Variants in RPS6KA5 observed in about 807,000 individuals in gnomAD.
RPS6KA5 encodes the protein ribosomal protein S6 kinase A5, also known as ribosomal protein S6 kinase alpha-5.
In RPS6KA5, 27 loss-of-function variants were observed where a neutral mutation model predicts 85.5. That is an observed-to-expected ratio of 0.32 (90% CI 0.23 to 0.44). The LOEUF is 0.44. RPS6KA5 is among the 20% of genes least tolerant of loss of function. RPS6KA5 has a pLI of 1.00. For missense variants in RPS6KA5, 811 were observed against 980.9 expected (o/e 0.83, Z 2.31); for synonymous variants, 334 against 348.2 (o/e 0.96, Z 0.46).
chr14:91,035,405 T>C (rs1249695875), intron 1 of RPS6KA5, among the ~76,000 whole-genome samples: 3 of 151,988 alleles, frequency 2.0e-5, no homozygotes. Context: ...GGCATGGACT[T>C]AGACAAAGCA....
chr14:90,900,856 CT>C (rs1199881296), intron 9 of RPS6KA5, 120 bp from the exon 10 acceptor site: 13 of 769,068 alleles, frequency 1.7e-5, no homozygotes, highest in Admixed American at 1.6e-4. Context: ...TGAGATGAGT[CT>C]AATTTTATTT....
rs553069887 is a variant in RPS6KA5 at position 90,858,605 on chromosome 14, G to T, written c.*13469C>A. On this transcript the variant is annotated 3_prime_UTR_variant, in exon 17 of 17. Coordinates refer to ENST00000614987, the MANE Select transcript of RPS6KA5 (RefSeq NM_004755.4). ...CTGCAGCAGCAAGTGCTGCTGGCAA[G>T]TATTCTTGGGGCAAACAGGAAAAGG... 1.3e-5 allele frequency: 2 copies of T among 152,282 alleles called. No individual in the cohort carries two copies. The highest frequency in any genetic ancestry group is 2.4e-5 in the African/African-American group (1 of 41,546). 9.4% of individuals were successfully genotyped at this position (152,282 alleles called of 1,614,324 possible). A position where few individuals can be genotyped will look rare whatever the true frequency, so the allele number is the denominator to read the frequency against.
chr14:90,980,255 T>TA (rs1242902320), intron 2 of RPS6KA5, among the ~76,000 whole-genome samples: 1 of 152,180 alleles, frequency 6.6e-6, no homozygotes, highest in Non-Finnish European at 1.5e-5. Context: ...CAGGAGAAGG[T>TA]AAAGTCTTCC....
chr14:91,007,632 A>G (rs2041078711), intron 1 of RPS6KA5, among the ~76,000 whole-genome samples: 1 of 152,078 alleles, frequency 6.6e-6, no homozygotes, highest in Admixed American at 6.5e-5. Flanking sequence ...ATCCCCTCAC[A>G]GGTACCTTTT....
At chr14:91,020,550 GT>G (rs2041709149) in intron 1 of RPS6KA5, among the ~76,000 whole-genome samples, 2 of 47,788 alleles carry the variant, frequency 4.2e-5, no homozygotes, top group Non-Finnish European at 1.0e-4. Flanking sequence ...GTGTGTGTGT[GT>G]GTGTGTGTGT....
chr14:90,854,791 G>A lies in RPS6KA5; in HGVS notation c.*17283C>T, dbSNP rs1290763813. ...TTACACAAGTTCATGCATTTTAGGTGTGCTTTATTCAAAATATATTATTAA... is the reference window on the plus strand; with the variant it reads ...TTACACAAGTTCATGCATTTTAGGTATGCTTTATTCAAAATATATTATTAA... On this transcript the variant is annotated 3_prime_UTR_variant, in exon 17 of 17. Coordinates refer to ENST00000614987, the MANE Select transcript of RPS6KA5 (RefSeq NM_004755.4). 1.3e-5 allele frequency: 2 copies of A among 152,128 alleles called. No homozygotes were observed. Among genetic ancestry groups the A allele is most frequent in the African/African-American group, 4.8e-5 (2 of 41,434 alleles). 9.4% of individuals were successfully genotyped at this position (152,128 alleles called of 1,614,324 possible). A position where few individuals can be genotyped will look rare whatever the true frequency, so the allele number is the denominator to read the frequency against.
Position 90,998,951 on chromosome 14 carries a change from C to T in RPS6KA5, c.175+2137G>A, listed in dbSNP as rs1314150787. ...AAGCGAACTTAGACATGAGGCAGGC[C>T]GGGCGTGATGGCTCACGTCTGTAAT... On this transcript the variant is annotated intron_variant, in intron 2 of 16. Coordinates refer to ENST00000614987, the MANE Select transcript of RPS6KA5 (RefSeq NM_004755.4). 2.0e-5 allele frequency among the ~76,000 whole-genome samples: 3 copies of T among 152,140 alleles called. No homozygotes were observed. In the South Asian group the frequency reaches 6.2e-4, roughly 31 times the overall value.
At chr14:91,051,978 T>C (rs539189588) in intron 1 of RPS6KA5, among the ~76,000 whole-genome samples, 1 of 152,094 alleles carries the variant, frequency 6.6e-6, no homozygotes, top group Non-Finnish European at 1.5e-5. Context: ...AGAATTTCCA[T>C]GGAAATGCCA....
chr14:91,050,587 G>C (rs1368557728), intron 1 of RPS6KA5, among the ~76,000 whole-genome samples: 1 of 151,810 alleles, frequency 6.6e-6, no homozygotes, highest in African/African-American at 2.4e-5. Context: ...TGCCACCATG[G>C]CTGGCTAATT....
intron 3 of RPS6KA5, 121 bp from the exon 4 acceptor site, chr14:90,947,671 T>TGTATA: frequency 3.2e-6 from 2 of 615,850 alleles, no homozygotes; most frequent in Non-Finnish European, 5.7e-6. Flanking sequence ...TATATACAAT[T>TGTATA]TAGCATACAG....
Position 91,060,612 on chromosome 14 carries a change from TC to T in RPS6KA5, c.-179del, listed in dbSNP as rs1019127322. The stretch of plus-strand genomic sequence containing the variant: ...GCCGCACGGCTCGCTCCTCGCCTCC[TC>T]CCCCTTCGGCGGGCACCGCTAGTAC... On this transcript the variant is annotated 5_prime_UTR_variant, in exon 1 of 17. Transcript: ENST00000614987. 37 of 861,588 alleles carry T rather than the reference TC, an allele frequency of 4.3e-5. No individual in the cohort carries two copies. The African/African-American group carries it at 6.4e-4, about 15-fold the overall frequency. The allele number at this position is 861,588 out of a possible 1,614,324, so 53.4% of individuals were successfully genotyped here. A position where few individuals can be genotyped will look rare whatever the true frequency, so the allele number is the denominator to read the frequency against.
intron 1 of RPS6KA5, among the ~76,000 whole-genome samples, chr14:91,012,886 G>A (rs906357735): frequency 2.6e-5 from 4 of 152,174 alleles, no homozygotes; most frequent in Admixed American, 6.5e-5. Context: ...TCATCCAACC[G>A]TGGGGAAGGG....
chr14:90,905,876 C>G (rs1272349781), intron 8 of RPS6KA5, among the ~76,000 whole-genome samples: 1 of 152,058 alleles, frequency 6.6e-6, no homozygotes. Flanking sequence ...TCTAATGAAT[C>G]AGTATGTAGA....
In RPS6KA5 at chr14:90,860,894, T is replaced by C. The variant is rs2032512204; in HGVS notation, c.*11180A>G. On this transcript the variant is annotated 3_prime_UTR_variant, in exon 17 of 17. Coordinates refer to ENST00000614987, the MANE Select transcript of RPS6KA5 (RefSeq NM_004755.4). ...AAACAAACAATATAGAGTCTATTTTTTTTTTTTTTTTTTTGAGATGGAGTT... is the reference window on the plus strand; with the variant it reads ...AAACAAACAATATAGAGTCTATTTTCTTTTTTTTTTTTTTGAGATGGAGTT... The C allele has an allele frequency of 6.6e-6, 1 of 150,492 alleles. No homozygotes were observed. The highest frequency in any genetic ancestry group is 2.4e-5 in the African/African-American group (1 of 40,972). The allele number at this position is 150,492 out of a possible 1,614,324, so 9.3% of individuals were successfully genotyped here.
Position 90,867,288 on chromosome 14 carries a change from C to T in RPS6KA5, c.*4786G>A, listed in dbSNP as rs1402150077. 2.0e-5 allele frequency: 3 copies of T among 151,150 alleles called. No individual in the cohort carries two copies. Among genetic ancestry groups the T allele is most frequent in the East Asian group, 1.9e-4 (1 of 5,174 alleles). 9.4% of individuals were successfully genotyped at this position (151,150 alleles called of 1,614,324 possible). Reference sequence around the variant, plus strand: ...CTTCTAATATTAAGAAAATTTAAAACGTAAATGAAAAAACTGCTTAATGTG... The same window carrying T: ...CTTCTAATATTAAGAAAATTTAAAATGTAAATGAAAAAACTGCTTAATGTG... On this transcript the variant is annotated 3_prime_UTR_variant, in exon 17 of 17. Coordinates refer to ENST00000614987, the MANE Select transcript of RPS6KA5 (RefSeq NM_004755.4).
At chr14:91,000,301 T>C (rs1025939911) in intron 2 of RPS6KA5, among the ~76,000 whole-genome samples, 4 of 152,340 alleles carry the variant, frequency 2.6e-5, no homozygotes, top group East Asian at 3.9e-4. Context: ...ATATACATTA[T>C]AGAACATAGA....
rs193002725 is a variant in RPS6KA5, at chr14:90,891,476, T to C, written c.1645-798A>G. On this transcript the variant is annotated intron_variant, in intron 13 of 16. Transcript: ENST00000614987. ...TTAATACTTACTGATGCACAAATTA[T>C]TTTAATAAGTACATTAAGCTAGTAC... Among the ~76,000 whole-genome samples the C allele has an allele frequency of 1.3e-3, 196 of 152,278 alleles. 2 individuals are homozygous for C. Among genetic ancestry groups the C allele is most frequent in the Admixed American group, 4.3e-3 (66 of 15,292 alleles).
chr14:90,900,598 C>T lies in RPS6KA5; in HGVS notation c.1245+13G>A. ...CCTACAAATATGTCATATAAGTTAC[C>T]ACATCTATATACCTTCATCATTGCA... On this transcript the variant is annotated intron_variant, in intron 10 of 16. Transcript: ENST00000614987. The T allele has an allele frequency of 1.2e-6, 2 of 1,603,810 alleles. No individual in the cohort carries two copies. The highest frequency in any genetic ancestry group is 1.7e-6 in the Non-Finnish European group (2 of 1,176,054).
At chr14:90,976,486 C>A (rs1018116453) in intron 3 of RPS6KA5, among the ~76,000 whole-genome samples, 2 of 152,120 alleles carry the variant, frequency 1.3e-5, no homozygotes, top group African/African-American at 4.8e-5. Context: ...ACAAGCAGAG[C>A]TACTCCTTTC....
Sources: gnomAD v4.1 joint callset for allele counts (sites outside exome capture counted in the v4.1 genomes callset) on GRCh38, gnomAD v4.1.1 for gene constraint, MANE v1.5 for transcripts, NCBI Gene and HGNC (gene_info 2026-07-23, HGNC 2026-07-21) for gene names.